SH3RF3: variants seen among roughly 807,000 people sequenced by gnomAD.
SH3RF3 encodes the protein E3 ubiquitin-protein ligase SH3RF3.
In SH3RF3, 29 loss-of-function variants were observed where a neutral mutation model predicts 66.3. The ratio of observed to expected loss-of-function variants is 0.44; its 90% CI spans 0.33 to 0.60. SH3RF3 has a LOEUF of 0.60. Among genes scored for constraint, SH3RF3 ranks in the 20% least tolerant of loss-of-function variants. SH3RF3 has a pLI of 0.04. For synonymous variants in SH3RF3, 583 were observed against 532.0 expected (o/e 1.10, Z -1.32); for missense variants, 1,194 against 1,190.9 (o/e 1.00, Z -0.04).
At chr2:109,485,860 C>T (rs920435832) in intron 8 of SH3RF3, among the ~76,000 whole-genome samples, 1 of 152,264 alleles carries the variant, frequency 6.6e-6, no homozygotes, top group Non-Finnish European at 1.5e-5. Context: ...GGCTGCAGCA[C>T]AGCCTCATCG....
chr2:109,166,098 G>A (rs146762674), intron 1 of SH3RF3, among the ~76,000 whole-genome samples: 1,934 of 152,290 alleles, frequency 0.013, 21 homozygotes, highest in Middle Eastern at 0.034. Context: ...ACTGGTGGGG[G>A]CAGAGCTTAG....
At chr2:109,296,814 TAGC>T (rs1681321801) in intron 1 of SH3RF3, among the ~76,000 whole-genome samples, 1 of 152,178 alleles carries the variant, frequency 6.6e-6, no homozygotes, top group African/African-American at 2.4e-5. Flanking sequence ...CTGACCACAC[TAGC>T]AGAGCTGCTG....
chr2:109,169,405 GA>G, intron 1 of SH3RF3, among the ~76,000 whole-genome samples: 1 of 152,102 alleles, frequency 6.6e-6, no homozygotes. Flanking sequence ...TGTGGCTGAT[GA>G]TGCTGTGCTG....
At chr2:109,199,632 T>TCAACGCGAGTGCA (rs1458718729) in intron 1 of SH3RF3, among the ~76,000 whole-genome samples, 1 of 68 alleles carries the variant, frequency 0.015, no homozygotes, top group Admixed American at 0.062. Flanking sequence ...TGGAATGGAA[T>TCAACGCGAGTGCA]GGAATGGAAT....
intron 1 of SH3RF3, among the ~76,000 whole-genome samples, chr2:109,242,943 T>G (rs1243582016): frequency 4.6e-5 from 7 of 152,240 alleles, no homozygotes. Flanking sequence ...GCCAAAGGAC[T>G]CTTGTCCTCT....
chr2:109,144,817 G>A (rs970342395), intron 1 of SH3RF3, among the ~76,000 whole-genome samples: 1 of 152,210 alleles, frequency 6.6e-6, no homozygotes, highest in Admixed American at 6.5e-5. Context: ...GCACTGACCC[G>A]GGGTTGAGAA....
chr2:109,394,030 G>T (rs928810980), intron 3 of SH3RF3, among the ~76,000 whole-genome samples: 3 of 152,152 alleles, frequency 2.0e-5, no homozygotes, highest in Non-Finnish European at 4.4e-5. Context: ...GGAGCTGCGG[G>T]GAGAGAGTCT....
rs879316151 is a variant in SH3RF3 at position 109,249,573 on chromosome 2, TTCCTTCCTTC to T, written c.574-98100_574-98091del. Among the ~76,000 whole-genome samples, 796 of 137,376 alleles carry T rather than the reference TTCCTTCCTTC, an allele frequency of 5.8e-3. 22 individuals are homozygous for T. Among genetic ancestry groups the T allele is most frequent in the Middle Eastern group, 0.014 (4 of 278 alleles). The allele number at this position is 137,376 out of a possible 152,430, so 90.1% of individuals were successfully genotyped here. On this transcript the variant is annotated intron_variant, in intron 1 of 9. Coordinates refer to ENST00000309415, the MANE Select transcript of SH3RF3 (RefSeq NM_001099289.3). ...CTTCCTTCCTTCCTTCCTTCCTTCC[TTCCTTCCTTC>T]CTTTCCTTTCTTTCTTTTTCTTTCT...
At chr2:109,433,369 C>T (rs1677303279) in intron 6 of SH3RF3, among the ~76,000 whole-genome samples, 1 of 152,192 alleles carries the variant, frequency 6.6e-6, no homozygotes, top group Admixed American at 6.5e-5. Context: ...CTCAGTTCTA[C>T]TACTTTTATC....
intron 4 of SH3RF3, among the ~76,000 whole-genome samples, chr2:109,401,891 G>A (rs576065145): frequency 6.6e-6 from 1 of 152,320 alleles, no homozygotes; most frequent in Non-Finnish European, 1.5e-5. Context: ...GGCTCCACAG[G>A]GATTAGAATT....
chr2:109,295,937 A>G (rs969368398), intron 1 of SH3RF3, among the ~76,000 whole-genome samples: 1 of 152,126 alleles, frequency 6.6e-6, no homozygotes, highest in African/African-American at 2.4e-5. Flanking sequence ...CTGTGCCGAC[A>G]CTGCTCCCTC....
chr2:109,398,701 C>T lies in SH3RF3; in HGVS notation c.1057C>T (p.Pro353Ser), dbSNP rs779421234. 9.2e-5 allele frequency: 149 copies of T among 1,611,946 alleles called. 2 individuals are homozygous for T. The East Asian group carries it at 3.2e-3, about 35-fold the overall frequency. The change falls in exon 4 of 10, where the codon CCA (proline) becomes TCA (serine). Residue 353 changes from proline to serine, a missense_variant. Transcript: ENST00000309415. ...CTCCGGCGCTGTGGCCAGCGTGGCC[C>T]CAAGTCCCACTTTAAGCAGCTCAGG... ...SDSGAVASVA[P>S]SPTLSSSGAV...
At chr2:109,423,339 G>A (rs1676932943) in intron 5 of SH3RF3, among the ~76,000 whole-genome samples, 1 of 152,122 alleles carries the variant, frequency 6.6e-6, no homozygotes, top group African/African-American at 2.4e-5. Context: ...GTCATGGCAG[G>A]GATGACCTCG....
rs188170878 is a variant in SH3RF3, at chr2:109,489,601, C to T, written c.2149-1004C>T. Among the ~76,000 whole-genome samples the T allele has an allele frequency of 5.3e-5, 8 of 152,328 alleles. No individual in the cohort carries two copies. In the East Asian group the frequency reaches 7.7e-4, roughly 15 times the overall value. ...CCCGTGACAGAGAGGGCTGTGTTGTCGGGGATGGCCCGTCAGCAGCATCCT... is the reference window on the plus strand; with the variant it reads ...CCCGTGACAGAGAGGGCTGTGTTGTTGGGGATGGCCCGTCAGCAGCATCCT... On this transcript the variant is annotated intron_variant, in intron 8 of 9. Transcript: ENST00000309415.
At chr2:109,350,674 C>G (rs1035454395) in intron 2 of SH3RF3, among the ~76,000 whole-genome samples, 1 of 152,216 alleles carries the variant, frequency 6.6e-6, no homozygotes, top group African/African-American at 2.4e-5. Context: ...CACGGTGGGT[C>G]CGACCCACCT....
intron 4 of SH3RF3, among the ~76,000 whole-genome samples, chr2:109,417,993 C>A (rs1408085649): frequency 6.6e-6 from 1 of 152,102 alleles, no homozygotes; most frequent in Non-Finnish European, 1.5e-5. Flanking sequence ...GGGGCAACTT[C>A]CAGGTGGCTC....
chr2:109,188,063 C>T (rs539554075), intron 1 of SH3RF3, among the ~76,000 whole-genome samples: 1 of 152,328 alleles, frequency 6.6e-6, no homozygotes, highest in African/African-American at 2.4e-5. Context: ...ACCCCGTGAG[C>T]GTAGTGAGTG....
At chr2:109,404,857 G>A (rs916602721) in intron 4 of SH3RF3, among the ~76,000 whole-genome samples, 2 of 152,030 alleles carry the variant, frequency 1.3e-5, no homozygotes, top group Admixed American at 6.6e-5. Flanking sequence ...TTCCTCATCC[G>A]CCATCTTGAC....
intron 1 of SH3RF3, among the ~76,000 whole-genome samples, chr2:109,148,973 G>C (rs1238507592): frequency 1.3e-5 from 2 of 152,186 alleles, no homozygotes; most frequent in Non-Finnish European, 2.9e-5. Context: ...CAAGCTTTGG[G>C]AATCTTTGTT....
Sources: allele counts gnomAD v4.1 joint callset (sites outside exome capture counted in the v4.1 genomes callset), GRCh38; gene constraint gnomAD v4.1.1; transcripts MANE v1.5; gene names NCBI Gene and HGNC (gene_info 2026-07-23, HGNC 2026-07-21).